The following OR2L13 variants were observed in gnomAD, a reference collection of about 807,000 sequenced individuals.
The protein encoded by OR2L13 is olfactory receptor 2L13.
Under a neutral mutation model 15.3 loss-of-function variants are expected in OR2L13, and 14 were observed. The ratio of observed to expected loss-of-function variants is 0.91; its 90% CI spans 0.60 to 1.43. The LOEUF is 1.43. Ranked by LOEUF, OR2L13 falls within the 40% of genes most tolerant of loss-of-function variation. The probability of loss-of-function intolerance (pLI) is 0.00; values close to 1 mark genes in which losing one functional copy is unlikely to be tolerated. For missense variants in OR2L13, 367 were observed against 387.9 expected (o/e 0.95, Z 0.45); for synonymous variants, 152 against 142.9 (o/e 1.06, Z -0.45).
At chr1:247,978,037 A>G in the OR2L13 span, among the ~76,000 whole-genome samples, 1 of 152,212 alleles carries the variant, frequency 6.6e-6, no homozygotes, top group South Asian at 2.1e-4. Context: ...AGCCAGCTGG[A>G]CTTCCTGGGT....
At chr1:247,993,046 G>T in the OR2L13 span, among the ~76,000 whole-genome samples, 5 of 149,292 alleles carry the variant, frequency 3.3e-5, no homozygotes, top group African/African-American at 5.0e-5. Flanking sequence ...TGTTTTTTTT[G>T]ATTTTTTAAT....
the OR2L13 span, among the ~76,000 whole-genome samples, chr1:248,000,405 A>C: frequency 1.3e-5 from 2 of 152,154 alleles, no homozygotes; most frequent in African/African-American, 4.8e-5. Context: ...TGTGATAAGT[A>C]GACTATAGGT....
the OR2L13 span, among the ~76,000 whole-genome samples, chr1:248,087,234 T>C: frequency 6.6e-6 from 1 of 152,176 alleles, no homozygotes; most frequent in Non-Finnish European, 1.5e-5. Context: ...AATTCAATCA[T>C]TTGACCTAAT....
At chr1:248,038,751 G>A in the OR2L13 span, 2 of 1,614,094 alleles carry the variant, frequency 1.2e-6, no homozygotes, top group Non-Finnish European at 8.5e-7. Flanking sequence ...CACAGTATAT[G>A]CACTCTGTAT....
At chr1:248,058,458 G>T in the OR2L13 span, among the ~76,000 whole-genome samples, 2 of 151,994 alleles carry the variant, frequency 1.3e-5, no homozygotes, top group South Asian at 2.1e-4. Context: ...GCACCAAGGG[G>T]TTGACAACAT....
the OR2L13 span, among the ~76,000 whole-genome samples, chr1:248,071,645 G>A: frequency 3.1e-4 from 47 of 151,818 alleles, no homozygotes; most frequent in African/African-American, 1.1e-3. Flanking sequence ...GGCAGGACAA[G>A]GAAATAAAGG....
the OR2L13 span, among the ~76,000 whole-genome samples, chr1:248,034,475 A>G: frequency 4.1e-4 from 62 of 152,342 alleles, no homozygotes; most frequent in African/African-American, 1.5e-3. Context: ...GAAATTCCAT[A>G]GAAATTTTAG....
the OR2L13 span, among the ~76,000 whole-genome samples, chr1:247,982,323 A>G: frequency 1.3e-5 from 2 of 152,198 alleles, no homozygotes; most frequent in African/African-American, 4.8e-5. Flanking sequence ...ACTCTCTTCA[A>G]ATCCTTGTGA....
the OR2L13 span, chr1:248,022,059 C>T: frequency 3.1e-6 from 5 of 1,613,944 alleles, no homozygotes; most frequent in Non-Finnish European, 4.2e-6. Flanking sequence ...CCTAATGGCT[C>T]TAATTGGAAA....
the OR2L13 span, among the ~76,000 whole-genome samples, chr1:247,959,720 T>C: frequency 6.6e-6 from 1 of 152,222 alleles, no homozygotes; most frequent in East Asian, 1.9e-4. Flanking sequence ...TACCCTTTCT[T>C]CCAGTTGATT....
the OR2L13 span, among the ~76,000 whole-genome samples, chr1:248,002,507 A>T: frequency 6.6e-6 from 1 of 152,330 alleles, no homozygotes; most frequent in African/African-American, 2.4e-5. Flanking sequence ...TTCACTTAGC[A>T]TAATGTATTC....
chr1:248,068,336 T>G, the OR2L13 span, among the ~76,000 whole-genome samples: 34 of 152,054 alleles, frequency 2.2e-4, no homozygotes, highest in Non-Finnish European at 8.8e-5. Flanking sequence ...TATTCGCGGT[T>G]CATGAAAATC....
chr1:247,978,635 T>C, the OR2L13 span, among the ~76,000 whole-genome samples: 1 of 152,242 alleles, frequency 6.6e-6, no homozygotes, highest in African/African-American at 2.4e-5. Context: ...TGCTCTCATT[T>C]CTTCCTTCAG....
chr1:248,056,858 C>A, the OR2L13 span, among the ~76,000 whole-genome samples: 1 of 151,910 alleles, frequency 6.6e-6, no homozygotes, highest in Admixed American at 6.6e-5. Flanking sequence ...CTGTGTTGCC[C>A]AGGCTTGTCA....
the OR2L13 span, among the ~76,000 whole-genome samples, chr1:248,070,678 A>T: frequency 1.4e-4 from 22 of 152,272 alleles, no homozygotes; most frequent in Non-Finnish European, 5.9e-5. Context: ...AAAATTAATG[A>T]ATCCAGGAGC....
chr1:247,992,987 CA>C, the OR2L13 span, among the ~76,000 whole-genome samples: 416 of 152,228 alleles, frequency 2.7e-3, 1 homozygote, highest in Middle Eastern at 0.01. Context: ...ACATTCCCAC[CA>C]ACAGTGTATA....
At chr1:248,025,777 G>C in the OR2L13 span, among the ~76,000 whole-genome samples, 1,313 of 151,822 alleles carry the variant, frequency 8.6e-3, 9 homozygotes, top group Non-Finnish European at 0.014. Context: ...CCATAAAAAA[G>C]GATGAGTTCA....
chr1:248,019,069 G>T, the OR2L13 span, among the ~76,000 whole-genome samples: 1 of 151,760 alleles, frequency 6.6e-6, no homozygotes, highest in East Asian at 1.9e-4. Context: ...TCTGCCTTTG[G>T]GGTATTGTGA....
intron 1 of OR2L13, among the ~76,000 whole-genome samples, chr1:248,097,716 G>C (rs752607602): frequency 1.7e-4 from 26 of 152,182 alleles, no homozygotes; most frequent in African/African-American, 5.1e-4. Context: ...TTCAGGGCTC[G>C]GTATTGGATA....
Sources: gnomAD v4.1 joint callset for allele counts (sites outside exome capture counted in the v4.1 genomes callset) on GRCh38, gnomAD v4.1.1 for gene constraint, MANE v1.5 for transcripts, NCBI Gene and HGNC (gene_info 2026-07-23, HGNC 2026-07-21) for gene names.